Variants in CFAP299 observed in about 807,000 individuals in gnomAD.
CFAP299 encodes cilia and flagella associated protein 299.
CFAP299 carries 21 observed loss-of-function variants against 27.0 expected under a neutral mutation model. The observed-to-expected ratio is 0.78, with a 90% confidence interval of 0.55 to 1.12. The LOEUF is 1.12. CFAP299 is among the 50% of genes most tolerant of loss of function. The probability of loss-of-function intolerance (pLI) is 0.00; values close to 1 mark genes in which losing one functional copy is unlikely to be tolerated. For synonymous variants in CFAP299, 104 were observed against 98.1 expected (o/e 1.06, Z -0.36); for missense variants, 310 against 276.6 (o/e 1.12, Z -0.86).
chr4:80,748,710 AT>A (rs1321321300), intron 3 of CFAP299, among the ~76,000 whole-genome samples: 12 of 152,122 alleles, frequency 7.9e-5, no homozygotes, highest in African/African-American at 2.6e-4. Context: ...GTCTTTATTT[AT>A]TGTTTCTCTA....
chr4:80,618,120 A>G (rs1738391726), intron 3 of CFAP299, among the ~76,000 whole-genome samples: 1 of 152,102 alleles, frequency 6.6e-6, no homozygotes, highest in Non-Finnish European at 1.5e-5. Flanking sequence ...AAGGGGTAAT[A>G]ATGAAACCCT....
At chr4:80,916,149 C>A (rs1216167181) in intron 4 of CFAP299, among the ~76,000 whole-genome samples, 2 of 149,650 alleles carry the variant, frequency 1.3e-5, no homozygotes, top group African/African-American at 4.9e-5. Context: ...GTAATCCTAG[C>A]TATTCAAGAG....
At chr4:80,905,279 A>G (rs776063895) in intron 4 of CFAP299, among the ~76,000 whole-genome samples, 3 of 152,196 alleles carry the variant, frequency 2.0e-5, no homozygotes, top group Non-Finnish European at 4.4e-5. Flanking sequence ...TTAATGGTCA[A>G]TATGTTTGAA....
intron 2 of CFAP299, among the ~76,000 whole-genome samples, chr4:80,572,326 A>G (rs776521094): frequency 1.4e-4 from 22 of 151,760 alleles, no homozygotes; most frequent in Non-Finnish European, 3.1e-4. Context: ...CAGCCCAGCT[A>G]TCCTTCCCAT....
chr4:80,504,877 C>T (rs1731938496), intron 2 of CFAP299, among the ~76,000 whole-genome samples: 2 of 146,184 alleles, frequency 1.4e-5, no homozygotes, highest in Admixed American at 6.9e-5. Flanking sequence ...TATATTCATC[C>T]CCCTATTTTA....
chr4:80,660,909 T>G (rs1001564178), intron 3 of CFAP299, among the ~76,000 whole-genome samples: 1 of 152,050 alleles, frequency 6.6e-6, no homozygotes, highest in Admixed American at 6.6e-5. Context: ...CAATCTACCT[T>G]GGAATGTTAG....
At chr4:80,718,983 C>A (rs141447967) in intron 3 of CFAP299, among the ~76,000 whole-genome samples, 1 of 152,068 alleles carries the variant, frequency 6.6e-6, no homozygotes, top group Non-Finnish European at 1.5e-5. Flanking sequence ...AGATCCTGTC[C>A]TTTGCAGGAA....
rs190276276 is a variant in CFAP299, at chr4:80,803,985, T to C, written c.334-66008T>C. ...AGTGTCTGGTGAGGACCTTCTTGTG[T>C]CCTCACATGGTGGAAGAAAGAAGAG... On this transcript the variant is annotated intron_variant, in intron 3 of 5. Transcript: ENST00000358105. Among the ~76,000 whole-genome samples the C allele has an allele frequency of 6.6e-5, 10 of 152,154 alleles. No individual in the cohort carries two copies. The East Asian group carries it at 1.9e-3, about 29-fold the overall frequency.
rs532135593 is a variant in CFAP299, at chr4:80,848,325, G to T, written c.334-21668G>T. On this transcript the variant is annotated intron_variant, in intron 3 of 5. Transcript: ENST00000358105. ...CATAGAAACATAGTTATGCCTCAGG[G>T]ATATGTTCTGAGAAATGTGATGTTA... Among the ~76,000 whole-genome samples, 25 of 152,152 alleles carry T rather than the reference G, an allele frequency of 1.6e-4. No homozygotes were observed. The South Asian group carries it at 5.0e-3, about 30-fold the overall frequency.
At chr4:80,921,589 T>G (rs17005005) in intron 4 of CFAP299, among the ~76,000 whole-genome samples, 5,132 of 152,048 alleles carry the variant, frequency 0.034, 235 homozygotes, top group African/African-American at 0.1. Context: ...CAGTAAGACA[T>G]GAAGGGCCAT....
chr4:80,683,382 A>G (rs1719967096), intron 3 of CFAP299, among the ~76,000 whole-genome samples: 1 of 152,218 alleles, frequency 6.6e-6, no homozygotes, highest in Non-Finnish European at 1.5e-5. Context: ...AAAGTTCTGC[A>G]TAAGTTCCTT....
chr4:80,655,362 A>G (rs1053780121), intron 3 of CFAP299, among the ~76,000 whole-genome samples: 1 of 152,198 alleles, frequency 6.6e-6, no homozygotes, highest in Non-Finnish European at 1.5e-5. Context: ...GCTGCCGGAT[A>G]CAATATGATG....
chr4:80,674,356 C>G (rs1191498790), intron 3 of CFAP299, among the ~76,000 whole-genome samples: 2 of 152,184 alleles, frequency 1.3e-5, no homozygotes, highest in Non-Finnish European at 1.5e-5. Context: ...GGCCCCCACT[C>G]TCTTCTGGCT....
rs542550316 is a variant in CFAP299 at position 80,637,733 on chromosome 4, G to A, written c.333+54550G>A. 3.3e-5 allele frequency among the ~76,000 whole-genome samples: 5 copies of A among 152,198 alleles called. No homozygotes were observed. In the South Asian group the frequency reaches 1.0e-3, roughly 32 times the overall value. On this transcript the variant is annotated intron_variant, in intron 3 of 5. Transcript: ENST00000358105. Reference sequence around the variant, plus strand: ...CAGAAACACTAGAACAAACCTATTAGATGACTTAAAAGAATAATAAAAAGA... The same window carrying A: ...CAGAAACACTAGAACAAACCTATTAAATGACTTAAAAGAATAATAAAAAGA...
chr4:80,836,173 A>C (rs1008438688), intron 3 of CFAP299, among the ~76,000 whole-genome samples: 2 of 152,142 alleles, frequency 1.3e-5, no homozygotes, highest in African/African-American at 4.8e-5. Flanking sequence ...ATAGAATTTG[A>C]TTCTTCTAAA....
chr4:80,871,094 AC>A (rs1358000553), intron 4 of CFAP299: 1 of 512,770 alleles, frequency 2.0e-6, no homozygotes, highest in Non-Finnish European at 2.5e-6. Flanking sequence ...TTTAGTAGAG[AC>A]AGGGTTCCAC....
At chr4:80,877,043 G>A (rs532316489) in intron 4 of CFAP299, among the ~76,000 whole-genome samples, 1 of 152,054 alleles carries the variant, frequency 6.6e-6, no homozygotes, top group African/African-American at 2.4e-5. Flanking sequence ...CCACAGCTTT[G>A]TGTGTGGAAG....
At chr4:80,486,826 A>G (rs1424787493) in intron 2 of CFAP299, among the ~76,000 whole-genome samples, 6 of 152,226 alleles carry the variant, frequency 3.9e-5, no homozygotes, top group Admixed American at 3.9e-4. Flanking sequence ...AGATCCGTTA[A>G]AAAGCCCACC....
At chr4:80,723,886 A>G (rs145311029) in intron 3 of CFAP299, among the ~76,000 whole-genome samples, 198 of 152,220 alleles carry the variant, frequency 1.3e-3, no homozygotes, top group Non-Finnish European at 2.0e-3. Context: ...ATAATTCAAA[A>G]TCATTTTGTT....
Sources: allele counts gnomAD v4.1 joint callset (sites outside exome capture counted in the v4.1 genomes callset), GRCh38; gene constraint gnomAD v4.1.1; transcripts MANE v1.5; gene names NCBI Gene and HGNC (gene_info 2026-07-23, HGNC 2026-07-21).